RABEP1: variants seen among roughly 807,000 people sequenced by gnomAD.
RABEP1 encodes rabaptin, RAB GTPase binding effector protein 1, also known as rab GTPase-binding effector protein 1.
A neutral mutation model predicts 123.4 loss-of-function variants in RABEP1; 51 were observed. The observed-to-expected ratio is 0.41, with a 90% CI of 0.33 to 0.52. RABEP1 has a LOEUF of 0.52. Ranked by LOEUF, RABEP1 falls within the 20% of genes least tolerant of loss-of-function variation. RABEP1 has a pLI of 0.16. For synonymous variants in RABEP1, 347 were observed against 355.2 expected (o/e 0.98, Z 0.26); for missense variants, 888 against 996.3 (o/e 0.89, Z 1.46).
chr17:5,342,469 C>G (rs940299463), intron 5 of RABEP1, among the ~76,000 whole-genome samples: 15 of 152,048 alleles, frequency 9.9e-5, no homozygotes, highest in Non-Finnish European at 1.6e-4. Flanking sequence ...GAAACCCAGT[C>G]TCTACTAAAA....
Position 5,361,224 on chromosome 17 carries a change from C to A in RABEP1, c.1112C>A (p.Thr371Asn), listed in dbSNP as rs773893935. ...ACATTTCAGGAGCATTTAGACAGCA[C>A]CCGTGGCTCAGTTCATTCCTTAGAT... is the stretch of plus-strand genomic sequence containing the variant. Reference protein sequence around the residue: ...LSNEEEHLDSTRGSVHSLDAG... With the variant: ...LSNEEEHLDSNRGSVHSLDAG... Residue 371 changes from threonine to asparagine, a missense_variant, in exon 9 of 18, where the codon ACC becomes AAC. Transcript: ENST00000537505. 1.9e-6 allele frequency: 3 copies of A among 1,613,874 alleles called. No individual in the cohort carries two copies. The highest frequency in any genetic ancestry group is 2.5e-6 in the Non-Finnish European group (3 of 1,179,816).
chr17:5,370,166 TCAC>T (rs1359547719), intron 12 of RABEP1, among the ~76,000 whole-genome samples: 1 of 152,218 alleles, frequency 6.6e-6, no homozygotes, highest in African/African-American at 2.4e-5. Context: ...GAAGAGAAAC[TCAC>T]CACGTTAGTG....
At chr17:5,292,437 T>G (rs929545673) in intron 1 of RABEP1, among the ~76,000 whole-genome samples, 2 of 152,060 alleles carry the variant, frequency 1.3e-5, no homozygotes, top group Non-Finnish European at 2.9e-5. Flanking sequence ...TACCAGGCTG[T>G]AGTGCAGTGG....
chr17:5,383,783 C>T lies in RABEP1; in HGVS notation c.*560C>T. ...TTTTATCTTATCTTGCTTTGGAGGA[C>T]CTTAAATGCTACTGAAACTTACCTG... On this transcript the variant is annotated 3_prime_UTR_variant, in exon 18 of 18. Coordinates refer to ENST00000537505, the MANE Select transcript of RABEP1 (RefSeq NM_004703.6). 4.5e-6 allele frequency: 1 copy of T among 223,952 alleles called. No individual in the cohort carries two copies. The highest frequency in any genetic ancestry group is 8.9e-6 in the Non-Finnish European group (1 of 112,544). 13.9% of individuals were successfully genotyped at this position (223,952 alleles called of 1,614,324 possible).
intron 1 of RABEP1, among the ~76,000 whole-genome samples, chr17:5,284,796 A>T (rs899697068): frequency 6.6e-6 from 1 of 151,138 alleles, no homozygotes; most frequent in South Asian, 2.1e-4. Flanking sequence ...CTTTAGCTGA[A>T]CTCATGTAGA....
chr17:5,363,091 C>T (rs1223707758), intron 10 of RABEP1, 75 bp downstream of exon 10: 1 of 1,047,272 alleles, frequency 9.5e-7, no homozygotes, highest in Non-Finnish European at 1.5e-6. Flanking sequence ...GCCCCCCTCT[C>T]CGGCCCCAGC....
In RABEP1 at chr17:5,345,404, G is replaced by A. The variant is rs140330964; in HGVS notation, c.649-1386G>A. On this transcript the variant is annotated intron_variant, in intron 5 of 17. Transcript: ENST00000537505. ...TTGGTTTTGGTCATTCCAGGGTATG[G>A]AACTCAAAGTAATTCAAATAGTATG... Among the ~76,000 whole-genome samples the A allele has an allele frequency of 1.5e-4, 23 of 152,288 alleles. No homozygotes were observed. In the East Asian group the frequency reaches 4.4e-3, roughly 29 times the overall value.
intron 2 of RABEP1, among the ~76,000 whole-genome samples, chr17:5,330,680 A>AT (rs1906444272): frequency 6.6e-6 from 1 of 152,140 alleles, no homozygotes; most frequent in African/African-American, 2.4e-5. Context: ...TTTTACAAAG[A>AT]TGAAGAATTT....
At chr17:5,353,446 T>C (rs535864855) in intron 7 of RABEP1, among the ~76,000 whole-genome samples, 14 of 152,352 alleles carry the variant, frequency 9.2e-5, no homozygotes, top group Non-Finnish European at 1.8e-4. Flanking sequence ...ACTGAAGGTA[T>C]AAGGTATCTT....
chr17:5,362,948 G>A lies in RABEP1; in HGVS notation c.1600G>A (p.Asp534Asn). The A allele has an allele frequency of 6.2e-7, 1 of 1,613,966 alleles. No homozygotes were observed. The highest frequency in any genetic ancestry group is 8.5e-7 in the Non-Finnish European group (1 of 1,179,858). The change falls in exon 10 of 18, where the codon GAT (aspartate) becomes AAT (asparagine). Residue 534 changes from aspartate (D) to asparagine (N), a missense_variant. Physicochemically the swap from Asp to Asn is conservative, Grantham distance 23 (BLOSUM62 1). Transcript: ENST00000537505. ...TGGAAATAAACTTGGTAGACGTTGT[G>A]ATATGTGTTCCAATTACGAAAAACA... ...NAGNKLGRRC[D>N]MCSNYEKQLQ...
intron 13 of RABEP1, among the ~76,000 whole-genome samples, chr17:5,376,893 T>C (rs1219709650): frequency 3.9e-5 from 6 of 152,346 alleles, no homozygotes; most frequent in South Asian, 2.1e-4. Flanking sequence ...GGGAAGAGTA[T>C]GTGGCTTACA....
intron 7 of RABEP1, among the ~76,000 whole-genome samples, chr17:5,351,591 G>A (rs1334401516): frequency 6.6e-6 from 1 of 152,014 alleles, no homozygotes; most frequent in East Asian, 1.9e-4. Context: ...AGCCCAAAAG[G>A]CCAAGACCAG....
intron 17 of RABEP1, 101 bp from the exon 18 acceptor site, chr17:5,383,021 G>A: frequency 1.2e-6 from 1 of 868,828 alleles, no homozygotes; most frequent in Non-Finnish European, 2.0e-6. Context: ...GAAGTGACTA[G>A]TACTCTGGTG....
chr17:5,294,393 C>T (rs1384624262), intron 1 of RABEP1, among the ~76,000 whole-genome samples: 1 of 151,740 alleles, frequency 6.6e-6, no homozygotes, highest in Non-Finnish European at 1.5e-5. Context: ...AGAAAATAAA[C>T]CAATAAAACA....
chr17:5,316,851 A>AT (rs1250097257), intron 2 of RABEP1, among the ~76,000 whole-genome samples: 3 of 151,170 alleles, frequency 2.0e-5, no homozygotes, highest in South Asian at 2.1e-4. Flanking sequence ...AAAAAAAAAA[A>AT]AAAAATATAA....
At chr17:5,336,197 C>A (rs1438864821) in intron 4 of RABEP1, among the ~76,000 whole-genome samples, 1 of 151,970 alleles carries the variant, frequency 6.6e-6, no homozygotes, top group African/African-American at 2.4e-5. Flanking sequence ...TTGAATTGAT[C>A]ATGCCTTTTT....
At chr17:5,309,761 C>T (rs2075217627) in intron 2 of RABEP1, among the ~76,000 whole-genome samples, 1 of 152,030 alleles carries the variant, frequency 6.6e-6, no homozygotes, top group African/African-American at 2.4e-5. Context: ...TTCTGAGTAT[C>T]GACCTAGAAT....
At chr17:5,350,366 C>T (rs1908426905) in intron 6 of RABEP1, 85 bp from the exon 7 acceptor site, 22 of 1,424,508 alleles carry the variant, frequency 1.5e-5, no homozygotes, top group East Asian at 7.0e-5. Flanking sequence ...GGCGACAGAG[C>T]GAGACTCCAT....
At chr17:5,381,558 G>A (rs1380681900) in intron 17 of RABEP1, 53 bp downstream of exon 17, 15 of 1,570,196 alleles carry the variant, frequency 9.6e-6, no homozygotes, top group Non-Finnish European at 1.3e-5. Context: ...TTGGGGGACA[G>A]AACCTTGCCG....
Sources: allele counts gnomAD v4.1 joint callset (sites outside exome capture counted in the v4.1 genomes callset), GRCh38; gene constraint gnomAD v4.1.1; transcripts MANE v1.5; gene names NCBI Gene and HGNC (gene_info 2026-07-23, HGNC 2026-07-21).